QRFPR: variants seen among roughly 807,000 people sequenced by gnomAD.
QRFPR encodes pyroglutamylated RFamide peptide receptor.
A neutral mutation model predicts 31.3 loss-of-function variants in QRFPR; 37 were observed. The ratio of observed to expected loss-of-function variants is 1.18; its 90% CI spans 0.91 to 1.56. The LOEUF (loss-of-function observed/expected upper bound fraction) is 1.56. QRFPR is among the 40% of genes most tolerant of loss of function. The probability of loss-of-function intolerance (pLI) is 0.00; values close to 1 mark genes in which losing one functional copy is unlikely to be tolerated. For missense variants in QRFPR, 542 were observed against 532.5 expected (o/e 1.02, Z -0.18); for synonymous variants, 197 against 192.0 (o/e 1.03, Z -0.22).
At chr4:121,336,703 A>G (rs1263384395) in intron 3 of QRFPR, 104 bp downstream of exon 3, 4 of 873,192 alleles carry the variant, frequency 4.6e-6, no homozygotes, top group Middle Eastern at 2.2e-4. Context: ...AGCTGAGGTC[A>G]TACAAATTTG....
chr4:121,370,689 C>T (rs1486034540), intron 1 of QRFPR, among the ~76,000 whole-genome samples: 4 of 152,324 alleles, frequency 2.6e-5, no homozygotes, highest in African/African-American at 7.2e-5. Flanking sequence ...AAATGCATCT[C>T]AATCCCACAG....
chr4:121,357,105 A>G (rs911330867), intron 1 of QRFPR, among the ~76,000 whole-genome samples: 1 of 152,130 alleles, frequency 6.6e-6, no homozygotes, highest in African/African-American at 2.4e-5. Context: ...GTGACTTAAA[A>G]CAACACTAAT....
chr4:121,335,151 C>T (rs1305878074), intron 3 of QRFPR, among the ~76,000 whole-genome samples: 1 of 152,082 alleles, frequency 6.6e-6, no homozygotes, highest in East Asian at 1.9e-4. Context: ...TTTCTACAAA[C>T]ACAATTAATT....
At chr4:121,372,013 A>T (rs1349951394) in intron 1 of QRFPR, among the ~76,000 whole-genome samples, 1 of 152,214 alleles carries the variant, frequency 6.6e-6, no homozygotes, top group Non-Finnish European at 1.5e-5. Flanking sequence ...GCTGGGGAGG[A>T]GCAACCCTTA....
intron 1 of QRFPR, among the ~76,000 whole-genome samples, chr4:121,363,113 C>A (rs1283845001): frequency 6.7e-6 from 1 of 149,854 alleles, no homozygotes; most frequent in Non-Finnish European, 1.5e-5. Flanking sequence ...GTGGGCAGAT[C>A]ACAATGTTCA....
In QRFPR at chr4:121,332,975, T is replaced by C. The variant is rs1317662628; in HGVS notation, c.643A>G (p.Thr215Ala). 6.2e-7 allele frequency: 1 copy of C among 1,614,040 alleles called. No individual in the cohort carries two copies. The highest frequency in any genetic ancestry group is 2.2e-5 in the East Asian group (1 of 44,866). The change falls in exon 4 of 6, where the codon ACC becomes GCC. Residue 215 changes from threonine (T) to alanine (A), a missense_variant. Thr to Ala is a moderately conservative substitution (Grantham distance 58). Coordinates refer to ENST00000394427, the MANE Select transcript of QRFPR (RefSeq NM_198179.3). Reference protein sequence around the residue: ...WTSPVHQKIYTTFILVILFLL... With the variant: ...WTSPVHQKIYATFILVILFLL... ...AAGAGGATGACAAGGATGAAGGTGG[T>C]GTAGATCTTCTGGTGCACAGGGCTG...
At chr4:121,354,286 A>G (rs999612654) in intron 1 of QRFPR, among the ~76,000 whole-genome samples, 1 of 152,006 alleles carries the variant, frequency 6.6e-6, no homozygotes, top group Non-Finnish European at 1.5e-5. Flanking sequence ...TTTAATTTGT[A>G]TATTGCTTTG....
At chr4:121,350,865 G>T (rs537467244) in intron 1 of QRFPR, among the ~76,000 whole-genome samples, 48 of 152,242 alleles carry the variant, frequency 3.2e-4, no homozygotes, top group Non-Finnish European at 6.0e-4. Flanking sequence ...CAAATGAGGA[G>T]ACATTCTTAT....
chr4:121,378,950 G>T (rs1167048864), intron 1 of QRFPR, among the ~76,000 whole-genome samples: 1 of 152,106 alleles, frequency 6.6e-6, no homozygotes, highest in Admixed American at 6.5e-5. Context: ...ATTTAGAAAT[G>T]AAAACTCATG....
At chr4:121,338,846 T>C (rs1012502030) in intron 2 of QRFPR, among the ~76,000 whole-genome samples, 4 of 152,240 alleles carry the variant, frequency 2.6e-5, no homozygotes, top group African/African-American at 7.2e-5. Context: ...CAACTATGCT[T>C]TGAGATGTTG....
At chr4:121,377,572 A>G (rs540250119) in intron 1 of QRFPR, among the ~76,000 whole-genome samples, 2 of 152,172 alleles carry the variant, frequency 1.3e-5, no homozygotes, top group Admixed American at 1.3e-4. Flanking sequence ...TATTCCTAGA[A>G]CACACTCCAT....
At chr4:121,365,650 A>T (rs1726120409) in intron 1 of QRFPR, among the ~76,000 whole-genome samples, 2 of 29,158 alleles carry the variant, frequency 6.9e-5, no homozygotes, top group Non-Finnish European at 1.1e-4. Flanking sequence ...TTTATATATT[A>T]TATATTATAT....
intron 2 of QRFPR, among the ~76,000 whole-genome samples, chr4:121,339,526 C>T (rs896511282): frequency 2.0e-5 from 3 of 152,198 alleles, no homozygotes; most frequent in African/African-American, 7.2e-5. Flanking sequence ...GCATCCCCAG[C>T]ACTCAGAACC....
intron 1 of QRFPR, chr4:121,370,417 A>T (rs1726216401): frequency 1.5e-6 from 1 of 646,242 alleles, no homozygotes; most frequent in Non-Finnish European, 2.9e-6. Context: ...GTGACGACTA[A>T]GCTGACAGAT....
At chr4:121,359,904 A>G (rs1725955428) in intron 1 of QRFPR, among the ~76,000 whole-genome samples, 1 of 151,406 alleles carries the variant, frequency 6.6e-6, no homozygotes, top group African/African-American at 2.4e-5. Context: ...CTTCTTTTCT[A>G]TATCTCATCT....
intron 1 of QRFPR, among the ~76,000 whole-genome samples, chr4:121,378,790 C>T (rs1416057057): frequency 1.3e-5 from 2 of 152,170 alleles, no homozygotes; most frequent in African/African-American, 4.8e-5. Context: ...CCCAGACATA[C>T]TAAATTAACA....
intron 1 of QRFPR, among the ~76,000 whole-genome samples, chr4:121,370,680 A>C (rs570474519): frequency 2.0e-5 from 3 of 152,290 alleles, no homozygotes; most frequent in Non-Finnish European, 1.5e-5. Flanking sequence ...ACAGATTTTA[A>C]ATGCATCTCA....
At position 121,330,510 on chromosome 4, in the gene QRFPR, C is replaced by T; in HGVS notation, c.811G>A (p.Ala271Thr). 3.7e-6 allele frequency: 6 copies of T among 1,613,494 alleles called. No homozygotes were observed. Among genetic ancestry groups the T allele is most frequent in the Non-Finnish European group, 5.1e-6 (6 of 1,179,440 alleles). The change falls in exon 5 of 6, where the codon GCT becomes ACT. Residue 271 changes from alanine to threonine, a missense_variant. Coordinates refer to ENST00000394427, the MANE Select transcript of QRFPR (RefSeq NM_198179.3). Reference sequence around the variant, plus strand: ...ACCACTGTCACCATCATAATGACAGCTCGTTTCTTCTTCCTAAACCCACAA... The same window carrying T: ...ACCACTGTCACCATCATAATGACAGTTCGTTTCTTCTTCCTAAACCCACAA... The part of the protein sequence containing the change: ...MSKIARKKKR[A>T]VIMMVTVVAL...
rs74401332 is a variant in QRFPR, at chr4:121,336,162, G to A, written c.561+645C>T. On this transcript the variant is annotated intron_variant, in intron 3 of 5. Transcript: ENST00000394427. ...GGGGGTATGTAAGCAACCCCCTACC[G>A]TCTTTGAAAACTCCTGTCTGGGTAG... is the stretch of plus-strand genomic sequence containing the variant. Among the ~76,000 whole-genome samples, 524 of 152,198 alleles carry A rather than the reference G, an allele frequency of 3.4e-3. 4 individuals carry two copies. The highest frequency in any genetic ancestry group is 5.1e-3 in the Non-Finnish European group (347 of 68,004).
Sources: allele counts gnomAD v4.1 joint callset (sites outside exome capture counted in the v4.1 genomes callset), GRCh38; gene constraint gnomAD v4.1.1; transcripts MANE v1.5; gene names NCBI Gene and HGNC (gene_info 2026-07-23, HGNC 2026-07-21).